FBXL18: variants seen among roughly 807,000 people sequenced by gnomAD.
FBXL18 encodes F-box and leucine rich repeat protein 18.
FBXL18 carries 36 observed loss-of-function variants against 46.0 expected under a neutral mutation model. The ratio of observed to expected loss-of-function variants is 0.78; its 90% CI spans 0.60 to 1.03. The LOEUF (loss-of-function observed/expected upper bound fraction) is 1.03, where lower values mean the gene tolerates loss of function less well. Ranked by LOEUF, FBXL18 falls within the 50% of genes least tolerant of loss-of-function variation. FBXL18 has a pLI of 0.00. For synonymous variants in FBXL18, 557 were observed against 465.3 expected (o/e 1.20, Z -2.54); for missense variants, 977 against 1,004.1 (o/e 0.97, Z 0.36).
intron 4 of FBXL18, among the ~76,000 whole-genome samples, chr7:5,466,004 G>C (rs1783335320): frequency 6.6e-6 from 1 of 151,920 alleles, no homozygotes; most frequent in Admixed American, 6.6e-5. Context: ...TTTTAGTAGA[G>C]ACAAGGTTTC....
In FBXL18 at chr7:5,513,650, A is replaced by C; in HGVS notation, c.18+7T>G. The C allele has an allele frequency of 6.2e-7, 1 of 1,611,832 alleles. No homozygotes were observed. Among genetic ancestry groups the C allele is most frequent in the Non-Finnish European group, 8.5e-7 (1 of 1,179,044 alleles). The stretch of plus-strand genomic sequence containing the variant: ...AGAAGCAGAGCGGAGACAGTCGCGG[A>C]CAGTACCTCTCCGGAGCTGGCCATG... On this transcript the variant is annotated splice_region_variant and intron_variant, in intron 1 of 4. Coordinates refer to ENST00000382368, the MANE Select transcript of FBXL18 (RefSeq NM_024963.6).
At chr7:5,463,625 G>GA (rs979883061) in intron 4 of FBXL18, among the ~76,000 whole-genome samples, 8 of 128,968 alleles carry the variant, frequency 6.2e-5, no homozygotes, top group Non-Finnish European at 8.2e-5. Context: ...TGTCAAAACA[G>GA]AAAAAAAAAA....
intron 4 of FBXL18, among the ~76,000 whole-genome samples, chr7:5,462,525 C>T (rs1783262164): frequency 1.3e-5 from 2 of 152,122 alleles, no homozygotes; most frequent in African/African-American, 4.8e-5. Context: ...CAGGCAGTAC[C>T]CAGCTCGCCA....
intron 3 of FBXL18, among the ~76,000 whole-genome samples, chr7:5,492,150 C>T (rs181081624): frequency 2.7e-4 from 41 of 149,820 alleles, no homozygotes; most frequent in Non-Finnish European, 5.5e-4. Flanking sequence ...GAGACCAAGA[C>T]GGGAGAACCC....
intron 3 of FBXL18, among the ~76,000 whole-genome samples, chr7:5,499,741 A>G (rs1042023904): frequency 3.3e-5 from 5 of 150,084 alleles, no homozygotes; most frequent in East Asian, 1.9e-4. Context: ...CAAAAAAAAA[A>G]AAAGAAAAAA....
intron 4 of FBXL18, among the ~76,000 whole-genome samples, chr7:5,463,725 TTTA>T (rs1783294990): frequency 5.1e-5 from 3 of 58,702 alleles, no homozygotes; most frequent in South Asian, 6.1e-4. Context: ...TATTTATTTA[TTTA>T]TTTTTTTTTT....
chr7:5,468,870 G>A (rs2128231852), intron 4 of FBXL18, among the ~76,000 whole-genome samples: 1 of 152,254 alleles, frequency 6.6e-6, no homozygotes, highest in Admixed American at 6.5e-5. Flanking sequence ...CAAAGTACTG[G>A]GATTACAGGC....
At chr7:5,503,929 T>G (rs1784328991) in intron 2 of FBXL18, among the ~76,000 whole-genome samples, 1 of 149,932 alleles carries the variant, frequency 6.7e-6, no homozygotes, top group South Asian at 2.1e-4. Context: ...ATAGTACCAC[T>G]GCACTCTAGC....
intron 4 of FBXL18, among the ~76,000 whole-genome samples, chr7:5,487,997 G>A (rs756361835): frequency 1.3e-5 from 2 of 152,256 alleles, no homozygotes; most frequent in Non-Finnish European, 1.5e-5. Flanking sequence ...AGGCACCTGC[G>A]TGTAACCAGC....
rs561027320 is a variant in FBXL18 at position 5,495,896 on chromosome 7, G to A, written c.1782-4447C>T. ...AGCTCAGAGCAGACGTGGTTCTCAG[G>A]GGCTGCTGGGCACAGGCTGGAGTTT... On this transcript the variant is annotated intron_variant, in intron 3 of 4. Coordinates refer to ENST00000382368, the MANE Select transcript of FBXL18 (RefSeq NM_024963.6). 604 of 476,936 alleles carry A rather than the reference G, an allele frequency of 1.3e-3. 6 individuals carry two copies. Among genetic ancestry groups the A allele is most frequent in the South Asian group, 9.1e-3 (589 of 64,854 alleles). 29.5% of individuals were successfully genotyped at this position (476,936 alleles called of 1,614,324 possible).
intron 3 of FBXL18, among the ~76,000 whole-genome samples, chr7:5,493,662 TGTGTGC>T (rs199684922): frequency 0.16 from 21,802 of 138,132 alleles, 1,892 homozygotes; most frequent in African/African-American, 0.24. Flanking sequence ...CTTTTGTGTG[TGTGTGC>T]GTGCGTGCGT....
chr7:5,484,373 C>T (rs13232753), intron 4 of FBXL18, among the ~76,000 whole-genome samples: 15 of 150,722 alleles, frequency 1.0e-4, no homozygotes, highest in African/African-American at 9.8e-5. Flanking sequence ...CGGAAGGCTG[C>T]GGCAGGAGAA....
At chr7:5,510,403 G>A (rs1298584139) in intron 1 of FBXL18, among the ~76,000 whole-genome samples, 1 of 151,318 alleles carries the variant, frequency 6.6e-6, no homozygotes, top group Admixed American at 6.6e-5. Flanking sequence ...AATTAGTTGA[G>A]CCAGGCACGG....
downstream of FBXL18, among the ~76,000 whole-genome samples, chr7:5,472,255 T>C (rs1186228692): frequency 6.6e-6 from 1 of 151,842 alleles, no homozygotes; most frequent in Non-Finnish European, 1.5e-5. Context: ...TTTCTAAAAA[T>C]GGCCACAACA....
rs1300849502 is a variant in FBXL18 at position 5,481,513 on chromosome 7, G to T, written c.*262C>A. The T allele has an allele frequency of 1.4e-5, 6 of 427,752 alleles. No individual in the cohort carries two copies. In the Admixed American group the frequency reaches 2.4e-4, roughly 17 times the overall value. 26.5% of individuals were successfully genotyped at this position (427,752 alleles called of 1,614,324 possible). A position where few individuals can be genotyped will look rare whatever the true frequency, so the allele number is the denominator to read the frequency against. ...CCCCCCAGCCAGGCCCCAAGGGTCA[G>T]CCTGGTTCAGCCAGCCCCCCACATC... is the stretch of plus-strand genomic sequence containing the variant. On this transcript the variant is annotated 3_prime_UTR_variant, in exon 5 of 5. Coordinates refer to ENST00000382368, the MANE Select transcript of FBXL18 (RefSeq NM_024963.6).
chr7:5,461,871 G>A (rs563609275), intron 4 of FBXL18, among the ~76,000 whole-genome samples: 1 of 152,154 alleles, frequency 6.6e-6, no homozygotes. Flanking sequence ...AGCTTGGGAG[G>A]CAGAGGTTGC....
chr7:5,506,632 C>A (rs908734453), intron 1 of FBXL18, among the ~76,000 whole-genome samples: 12 of 151,426 alleles, frequency 7.9e-5, no homozygotes, highest in African/African-American at 2.9e-4. Flanking sequence ...TCTTGGTTCA[C>A]TGCAACCTCC....
Position 5,455,958 on chromosome 7 carries a change from G to C in FBXL18, c.2001-8115C>G, listed in dbSNP as rs60325571. Among the ~76,000 whole-genome samples, 1 of 151,934 alleles carries C rather than the reference G, an allele frequency of 6.6e-6. No homozygotes were observed. Among genetic ancestry groups the C allele is most frequent in the Non-Finnish European group, 1.5e-5 (1 of 67,992 alleles). On this transcript the variant is annotated intron_variant and NMD_transcript_variant, in intron 4 of 6. Transcript: ENST00000415009. The surrounding 1 kb of genome is among the most constrained non-coding windows in gnomAD (Gnocchi z 4.6). ...GTCTAACAGCTCCCTGCCGCATTTC[G>C]TTCCCTCTGTGCTCCTTCCCCAGTG...
At chr7:5,458,182 T>C (rs983748004) in intron 4 of FBXL18, among the ~76,000 whole-genome samples, 1 of 152,120 alleles carries the variant, frequency 6.6e-6, no homozygotes, top group African/African-American at 2.4e-5. Context: ...GACAGTCAGT[T>C]GTTTCTGGGC....
Sources: gnomAD v4.1 joint callset for allele counts (sites outside exome capture counted in the v4.1 genomes callset) on GRCh38, gnomAD v4.1.1 for gene constraint, Gnocchi (gnomAD v3.1) non-coding constraint, MANE v1.5 for transcripts, NCBI Gene and HGNC (gene_info 2026-07-23, HGNC 2026-07-21) for gene names.